The following PRMT8 variants were observed in gnomAD, a reference collection of about 807,000 sequenced individuals.
PRMT8 encodes the protein protein arginine N-methyltransferase 8.
PRMT8 carries 7 observed loss-of-function variants against 47.1 expected under a neutral mutation model. The ratio of observed to expected loss-of-function variants is 0.15; its 90% CI spans 0.08 to 0.28. The LOEUF (loss-of-function observed/expected upper bound fraction) is 0.28. PRMT8 is among the 10% of genes least tolerant of loss of function. PRMT8 has a pLI of 1.00. For synonymous variants in PRMT8, 188 were observed against 186.5 expected, an observed-to-expected ratio of 1.01 and a Z score of -0.07; for missense variants, 237 against 505.4, an observed-to-expected ratio of 0.47 and a Z score of 5.09.
rs1865754591 is a variant in PRMT8, at chr12:3,514,254, ACC to A, written c.75+22555_75+22556del. On this transcript the variant is annotated intron_variant, in intron 1 of 9. Coordinates refer to ENST00000382622, the MANE Select transcript of PRMT8 (RefSeq NM_019854.5). This position sits in a 1 kb window ranked among gnomAD's most constrained non-coding sequence, Gnocchi z 5.9. ...TTACCCCTAAGGTGCTCTTTTGTTC[ACC>A]ACAGAATACTGAGCACTTCTGGTTC... 6.8e-6 allele frequency among the ~76,000 whole-genome samples: 1 copy of A among 146,726 alleles called. No individual in the cohort carries two copies. The highest frequency in any genetic ancestry group is 2.6e-5 in the African/African-American group (1 of 39,078).
chr12:3,491,136 G>C (rs1301786429), upstream of PRMT8: 1 of 985,456 alleles, frequency 1.0e-6, no homozygotes, highest in Admixed American at 6.1e-5. Context: ...GCCGGCTCCA[G>C]CGAACCTCCT....
At chr12:3,587,500 C>T (rs1867205613) in intron 8 of PRMT8, among the ~76,000 whole-genome samples, 1 of 152,054 alleles carries the variant, frequency 6.6e-6, no homozygotes, top group Admixed American at 6.5e-5. Flanking sequence ...AATTTGCTTA[C>T]ACTTATTGAT....
chr12:3,439,966 G>C (rs1157010745), intron 1 of PRMT8, among the ~76,000 whole-genome samples: 1 of 152,312 alleles, frequency 6.6e-6, no homozygotes, highest in East Asian at 1.9e-4. Flanking sequence ...AGAGAGCACT[G>C]GGTGTTAGGA....
rs1866436710 is a variant in PRMT8 at position 3,552,367 on chromosome 12, G to GT, written c.418-1281dup. 1 of 171,934 alleles carries GT rather than the reference G, an allele frequency of 5.8e-6. No homozygotes were observed. The highest frequency in any genetic ancestry group is 1.2e-5 in the Non-Finnish European group (1 of 80,024). 10.7% of individuals were successfully genotyped at this position (171,934 alleles called of 1,614,324 possible). On this transcript the variant is annotated intron_variant, in intron 3 of 9. Transcript: ENST00000382622. This position sits in a 1 kb window ranked among gnomAD's most constrained non-coding sequence, Gnocchi z 4.5. ...TGAGTGTTGAGCAAGCTTCGGCTGA[G>GT]TTTACCCTCACACACTCACGTGCAT...
intron 1 of PRMT8, among the ~76,000 whole-genome samples, chr12:3,406,455 G>T (rs1453666242): frequency 1.3e-5 from 2 of 152,052 alleles, no homozygotes; most frequent in Non-Finnish European, 2.9e-5. Context: ...CTTTTTTATT[G>T]CATTGTCAGG....
Position 3,493,277 on chromosome 12 carries a change from G to C in PRMT8, c.75+1577G>C, listed in dbSNP as rs537842983. Among the ~76,000 whole-genome samples the C allele has an allele frequency of 1.4e-4, 21 of 151,946 alleles. No individual in the cohort carries two copies. Among genetic ancestry groups the C allele is most frequent in the Non-Finnish European group, 2.9e-4 (20 of 67,960 alleles). ...AATGATGTGTAGTGCGAGGCGGCTAGCCTCCCAGCAGAAAGCCATCCTTAC... is the reference window on the plus strand; with the variant it reads ...AATGATGTGTAGTGCGAGGCGGCTACCCTCCCAGCAGAAAGCCATCCTTAC... On this transcript the variant is annotated intron_variant, in intron 1 of 9. Transcript: ENST00000382622. This position sits in a 1 kb window ranked among gnomAD's most constrained non-coding sequence, Gnocchi z 8.2.
chr12:3,462,190 A>C (rs1264281211), intron 1 of PRMT8, among the ~76,000 whole-genome samples: 1 of 152,038 alleles, frequency 6.6e-6, no homozygotes, highest in Non-Finnish European at 1.5e-5. Flanking sequence ...GATAACCTCC[A>C]GCTCCATCCA....
At chr12:3,406,268 C>G (rs893291605) in intron 1 of PRMT8, among the ~76,000 whole-genome samples, 3 of 152,226 alleles carry the variant, frequency 2.0e-5, no homozygotes, top group Non-Finnish European at 2.9e-5. Flanking sequence ...ACTTGGCCCA[C>G]AAAACCATTT....
intron 1 of PRMT8, among the ~76,000 whole-genome samples, chr12:3,435,616 G>A (rs1172287739): frequency 6.6e-6 from 1 of 151,224 alleles, no homozygotes; most frequent in East Asian, 2.0e-4. Context: ...CCGCCTCCCG[G>A]GTTCATGCCA....
rs180759752 is a variant in PRMT8, at chr12:3,483,798, C to T, written c.49-56808C>T. ...AGAACAATTTTTTTTCAATAATCTG[C>T]GATTTGTGTCATTCATGTATTGACA... On this transcript the variant is annotated intron_variant, in intron 1 of 9. Transcript: ENST00000452611. Among the ~76,000 whole-genome samples, 552 of 152,182 alleles carry T rather than the reference C, an allele frequency of 3.6e-3. 4 individuals are homozygous for T. The highest frequency in any genetic ancestry group is 0.012 in the African/African-American group (503 of 41,508).
In PRMT8 at chr12:3,572,820, G is replaced by C. The variant is rs971514625; in HGVS notation, c.712+3256G>C. Among the ~76,000 whole-genome samples the C allele has an allele frequency of 1.7e-4, 26 of 152,200 alleles. No homozygotes were observed. Among genetic ancestry groups the C allele is most frequent in the African/African-American group, 5.8e-4 (24 of 41,426 alleles). ...CAGAGAAACTCAGATGGTTGGGGCT[G>C]GGGTGGTGAGGGAGGATGTAGCTAC... On this transcript the variant is annotated intron_variant, in intron 6 of 9. Transcript: ENST00000382622. The surrounding 1 kb of genome is among the most constrained non-coding windows in gnomAD (Gnocchi z 5.9).
intron 7 of PRMT8, 79 bp downstream of exon 7, chr12:3,577,065 T>C: frequency 8.4e-7 from 1 of 1,197,594 alleles, no homozygotes; most frequent in Non-Finnish European, 1.2e-6. Context: ...CAATGCCGGC[T>C]CCTGCACAGC....
At chr12:3,536,033 A>T (rs1866111946) in intron 1 of PRMT8, among the ~76,000 whole-genome samples, 1 of 152,176 alleles carries the variant, frequency 6.6e-6, no homozygotes, top group Non-Finnish European at 1.5e-5. Context: ...ACAATCATGT[A>T]TATCTCTTGG....
At chr12:3,413,974 C>T (rs1339990293) in intron 1 of PRMT8, among the ~76,000 whole-genome samples, 1 of 152,002 alleles carries the variant, frequency 6.6e-6, no homozygotes, top group Non-Finnish European at 1.5e-5. Context: ...GACCAAATCC[C>T]CCATAGATAC....
Position 3,540,613 on chromosome 12 carries a change from G to GGCCCCCCCCGCCCC in PRMT8, c.83_84insGCCCCCCCCGCCCC (p.Ser28ArgfsTer43). 8.8e-7 allele frequency: 1 copy of GGCCCCCCCCGCCCC among 1,130,522 alleles called. No homozygotes were observed. Among genetic ancestry groups the GGCCCCCCCCGCCCC allele is most frequent in the Non-Finnish European group, 1.3e-6 (1 of 752,492 alleles). 70.0% of individuals were successfully genotyped at this position (1,130,522 alleles called of 1,614,324 possible). On this transcript the variant is annotated frameshift_variant, in exon 2 of 10. Coordinates refer to ENST00000382622, the MANE Select transcript of PRMT8 (RefSeq NM_019854.5). LOFTEE classifies it high-confidence loss of function. ...CCCTTCTCTTCCCCTCAGGTGAACA[G>GGCCCCCCCCGCCCC]CCCCCCCTCCCAGCCCCCCCAGCCC...
intron 1 of PRMT8, among the ~76,000 whole-genome samples, chr12:3,462,213 A>G (rs1323089090): frequency 1.3e-5 from 2 of 152,072 alleles, no homozygotes; most frequent in Non-Finnish European, 2.9e-5. Context: ...CTCCTGCAAA[A>G]GACATGCTCT....
At chr12:3,420,645 A>G (rs895361438) in intron 1 of PRMT8, among the ~76,000 whole-genome samples, 3 of 152,170 alleles carry the variant, frequency 2.0e-5, no homozygotes, top group Non-Finnish European at 4.4e-5. Context: ...GGCAGTGACA[A>G]TGACGGTGGA....
chr12:3,452,894 G>A (rs746552660), intron 1 of PRMT8, among the ~76,000 whole-genome samples: 9 of 152,240 alleles, frequency 5.9e-5, no homozygotes, highest in Non-Finnish European at 1.0e-4. Context: ...TTAAGGGCGA[G>A]TGGGGTGGTG....
chr12:3,443,041 C>T (rs946034190), intron 1 of PRMT8, among the ~76,000 whole-genome samples: 3 of 152,142 alleles, frequency 2.0e-5, no homozygotes, highest in Admixed American at 6.5e-5. Context: ...CTAAAGTCCC[C>T]TATAGGTCAT....
Sources: gnomAD v4.1 joint callset for allele counts (sites outside exome capture counted in the v4.1 genomes callset) on GRCh38, gnomAD v4.1.1 for gene constraint, Gnocchi (gnomAD v3.1) non-coding constraint, MANE v1.5 for transcripts, NCBI Gene and HGNC (gene_info 2026-07-23, HGNC 2026-07-21) for gene names.